CLNK: variants seen among roughly 807,000 people sequenced by gnomAD.
CLNK encodes cytokine-dependent hematopoietic cell linker.
In CLNK, 74 loss-of-function variants were observed where a neutral mutation model predicts 68.6. The ratio of observed to expected loss-of-function variants is 1.08; its 90% CI spans 0.89 to 1.31. The LOEUF (loss-of-function observed/expected upper bound fraction) is 1.31, where lower values mean the gene tolerates loss of function less well. CLNK is among the 50% of genes most tolerant of loss of function. The pLI, the probability that CLNK is intolerant of heterozygous loss-of-function variation, is 0.00. For synonymous variants in CLNK, 198 were observed against 172.2 expected, an observed-to-expected ratio of 1.15 and a Z score of -1.17; for missense variants, 553 against 515.3, an observed-to-expected ratio of 1.07 and a Z score of -0.71.
Position 10,488,709 on chromosome 4 carries a change from G to A in CLNK, c.*1758C>T, listed in dbSNP as rs1716443806. The stretch of plus-strand genomic sequence containing the variant: ...AGGCATCACTTCACATTGACCTTGT[G>A]AAAGGAGAACACCTGAGCAGGTATT... On this transcript the variant is annotated 3_prime_UTR_variant, in exon 19 of 19. Coordinates refer to ENST00000226951, the MANE Select transcript of CLNK (RefSeq NM_052964.4). 6.6e-6 allele frequency: 1 copy of A among 152,212 alleles called. No individual in the cohort carries two copies. Among genetic ancestry groups the A allele is most frequent in the African/African-American group, 2.4e-5 (1 of 41,460 alleles). The allele number at this position is 152,212 out of a possible 1,614,324, so 9.4% of individuals were successfully genotyped here.
intron 7 of CLNK, among the ~76,000 whole-genome samples, chr4:10,562,839 T>C (rs1251730932): frequency 2.0e-5 from 3 of 152,244 alleles, no homozygotes; most frequent in African/African-American, 7.2e-5. Flanking sequence ...GTCTGTCTAT[T>C]GTGCATTTAT....
chr4:10,659,068 G>A (rs944120989), intron 2 of CLNK, among the ~76,000 whole-genome samples: 1 of 152,170 alleles, frequency 6.6e-6, no homozygotes, highest in South Asian at 2.1e-4. Flanking sequence ...GCTGGGCATG[G>A]TGGTAGGCAC....
At chr4:10,623,719 C>T (rs951937364) in intron 2 of CLNK, among the ~76,000 whole-genome samples, 11 of 152,238 alleles carry the variant, frequency 7.2e-5, no homozygotes, top group Admixed American at 2.0e-4. Context: ...GTGCCCTGAA[C>T]TGTAGGGACT....
intron 3 of CLNK, among the ~76,000 whole-genome samples, chr4:10,594,829 C>T (rs12650414): frequency 0.71 from 108,296 of 152,036 alleles, 39,290 homozygotes; most frequent in East Asian, 0.85. Context: ...GCATGATGGC[C>T]CACACCTGTA....
chr4:10,641,853 A>G (rs1029739792), intron 2 of CLNK, among the ~76,000 whole-genome samples: 4 of 152,126 alleles, frequency 2.6e-5, no homozygotes, highest in African/African-American at 9.7e-5. Flanking sequence ...TACTGTTCTC[A>G]TGGTAGTGAT....
At chr4:10,641,619 T>C (rs1437269378) in intron 2 of CLNK, among the ~76,000 whole-genome samples, 2 of 152,190 alleles carry the variant, frequency 1.3e-5, no homozygotes. Flanking sequence ...CTTTCAGACC[T>C]CTTCTTCTGA....
intron 18 of CLNK, among the ~76,000 whole-genome samples, chr4:10,495,325 G>A (rs947760033): frequency 2.6e-5 from 4 of 152,130 alleles, no homozygotes; most frequent in Admixed American, 2.6e-4. Flanking sequence ...CTTAAGCTCC[G>A]CAGGTTGTTT....
chr4:10,538,221 C>T (rs1233238680), intron 11 of CLNK, among the ~76,000 whole-genome samples: 1 of 152,100 alleles, frequency 6.6e-6, no homozygotes, highest in Non-Finnish European at 1.5e-5. Context: ...CCCTTGCCTC[C>T]TAGGTTAAAG....
At chr4:10,496,630 C>T (rs1161414453) in intron 18 of CLNK, among the ~76,000 whole-genome samples, 3 of 152,132 alleles carry the variant, frequency 2.0e-5, no homozygotes, top group Non-Finnish European at 4.4e-5. Flanking sequence ...CTTGTATTTG[C>T]CATGGTGTTA....
intron 8 of CLNK, among the ~76,000 whole-genome samples, chr4:10,557,159 G>T (rs1719707829): frequency 6.6e-6 from 1 of 152,086 alleles, no homozygotes; most frequent in African/African-American, 2.4e-5. Flanking sequence ...AGGTCACACA[G>T]CCAGGGAGTG....
chr4:10,733,229 C>T, the CLNK span, among the ~76,000 whole-genome samples: 8 of 152,218 alleles, frequency 5.3e-5, no homozygotes, highest in Admixed American at 2.6e-4. Context: ...GCCACTACAG[C>T]CCCCACGTCT....
chr4:10,725,920 G>A, the CLNK span, among the ~76,000 whole-genome samples: 1 of 152,146 alleles, frequency 6.6e-6, no homozygotes, highest in African/African-American at 2.4e-5. Context: ...TTGCAGATCT[G>A]TTAGTTTGCC....
the CLNK span, among the ~76,000 whole-genome samples, chr4:10,721,286 T>C: frequency 1.3e-5 from 2 of 152,156 alleles, no homozygotes; most frequent in Non-Finnish European, 2.9e-5. Context: ...CATGCCCTGA[T>C]GGTGATATCG....
chr4:10,543,579 G>T (rs945659245), intron 8 of CLNK, among the ~76,000 whole-genome samples: 1 of 152,140 alleles, frequency 6.6e-6, no homozygotes, highest in Non-Finnish European at 1.5e-5. Context: ...GTCATTAAGG[G>T]CTTAATTTCA....
At chr4:10,613,903 G>A (rs910123159) in intron 2 of CLNK, among the ~76,000 whole-genome samples, 1 of 152,210 alleles carries the variant, frequency 6.6e-6, no homozygotes. Flanking sequence ...CTGCAGGATA[G>A]GTTCTGTCTC....
chr4:10,566,394 A>G (rs866673475), intron 5 of CLNK, among the ~76,000 whole-genome samples: 2 of 152,210 alleles, frequency 1.3e-5, no homozygotes, highest in African/African-American at 2.4e-5. Flanking sequence ...CTGTGAAGGG[A>G]CAGTGCAGAT....
intron 2 of CLNK, among the ~76,000 whole-genome samples, chr4:10,650,416 G>C (rs897244995): frequency 6.6e-6 from 1 of 151,948 alleles, no homozygotes; most frequent in Non-Finnish European, 1.5e-5. Flanking sequence ...ATCCAAAGCA[G>C]GTTAAATAAG....
chr4:10,661,533 G>A (rs1203944335), intron 2 of CLNK, among the ~76,000 whole-genome samples: 2 of 152,126 alleles, frequency 1.3e-5, no homozygotes, highest in African/African-American at 4.8e-5. Context: ...GTGGCAATAT[G>A]GAATGCTGTT....
the CLNK span, among the ~76,000 whole-genome samples, chr4:10,710,233 C>G: frequency 6.6e-6 from 1 of 152,032 alleles, no homozygotes; most frequent in Non-Finnish European, 1.5e-5. Flanking sequence ...GAAACACAGC[C>G]TTTGTATTTC....
Sources: allele counts gnomAD v4.1 joint callset (sites outside exome capture counted in the v4.1 genomes callset), GRCh38; gene constraint gnomAD v4.1.1; transcripts MANE v1.5; gene names NCBI Gene and HGNC (gene_info 2026-07-23, HGNC 2026-07-21).